Variants in NID1 observed in about 807,000 individuals in gnomAD.
NID1 encodes the protein nidogen 1.
In NID1, 76 loss-of-function variants were observed where a neutral mutation model predicts 130.6. The ratio of observed to expected loss-of-function variants is 0.58; its 90% CI spans 0.48 to 0.70. NID1 has a LOEUF of 0.70. Among genes scored for constraint, NID1 ranks in the 30% least tolerant of loss-of-function variants. The probability of loss-of-function intolerance (pLI) is 0.00; values close to 1 mark genes in which losing one functional copy is unlikely to be tolerated. For synonymous variants in NID1, 665 were observed against 675.1 expected, an observed-to-expected ratio of 0.98 and a Z score of 0.23; for missense variants, 1,517 against 1,664.8, an observed-to-expected ratio of 0.91 and a Z score of 1.54.
At chr1:236,050,029 T>C (rs56285810) in intron 1 of NID1, among the ~76,000 whole-genome samples, 5,334 of 145,036 alleles carry the variant, frequency 0.037, 249 homozygotes, top group African/African-American at 0.11. Flanking sequence ...GAGCAAGACT[T>C]CATCTCAGGG....
intron 2 of NID1, among the ~76,000 whole-genome samples, chr1:236,046,871 C>T (rs899024363): frequency 4.6e-5 from 7 of 152,186 alleles, no homozygotes; most frequent in Admixed American, 4.6e-4. Context: ...CCAAAGTGTG[C>T]TCTGTGGGAT....
Position 235,977,886 on chromosome 1 carries a change from T to G in NID1, c.3725A>C (p.Asp1242Ala). 6.2e-7 allele frequency: 1 copy of G among 1,614,166 alleles called. No homozygotes were observed. ...CRCPDNTLGV[D>A]CIEQK ...TTGTCTTCATTTCTGTTCGATACAG[T>G]CAACTCCCAAGGTGTTGTCAGGGCA... The change falls in exon 20 of 20, where the codon GAC (aspartate) becomes GCC (alanine). Residue 1242 changes from aspartate to alanine, a missense_variant. Physicochemically the swap from Asp to Ala is moderately radical, Grantham distance 126. Transcript: ENST00000264187.
intron 4 of NID1, among the ~76,000 whole-genome samples, chr1:236,040,345 T>G (rs1245080811): frequency 1.3e-5 from 2 of 152,154 alleles, no homozygotes; most frequent in Admixed American, 1.3e-4. Context: ...TCCATTTCCG[T>G]GCCTCAGAAG....
intron 9 of NID1, among the ~76,000 whole-genome samples, chr1:236,019,530 C>G (rs1658695199): frequency 6.6e-6 from 1 of 152,196 alleles, no homozygotes; most frequent in African/African-American, 2.4e-5. Flanking sequence ...GCTCTTCTCT[C>G]TAGCCCTACC....
chr1:235,984,228 G>A (rs763169591), intron 15 of NID1, among the ~76,000 whole-genome samples: 3 of 152,160 alleles, frequency 2.0e-5, no homozygotes, highest in East Asian at 1.9e-4. Context: ...TTTAACACAC[G>A]GAGATAGGCA....
At position 236,038,095 on chromosome 1, in the gene NID1, G is replaced by A. The variant is rs754705205; in HGVS notation, c.1285+9C>T. The A allele has an allele frequency of 6.3e-7, 1 of 1,588,876 alleles. No individual in the cohort carries two copies. The highest frequency in any genetic ancestry group is 1.7e-5 in the Admixed American group (1 of 58,278). On this transcript the variant is annotated intron_variant, in intron 5 of 19. Transcript: ENST00000264187. ...TCCCGCATGAAACGAACATAGAAAA[G>A]CAAATTACCTTCTGCAACACATTGC...
At chr1:235,995,987 T>C in intron 12 of NID1, among the ~76,000 whole-genome samples, 1 of 152,020 alleles carries the variant, frequency 6.6e-6, no homozygotes, top group East Asian at 1.9e-4. Context: ...AAGACCTATA[T>C]CTATAAAAAA....
At chr1:235,987,180 A>G (rs1034157174) in intron 14 of NID1, among the ~76,000 whole-genome samples, 4 of 151,950 alleles carry the variant, frequency 2.6e-5, no homozygotes, top group Admixed American at 6.5e-5. Flanking sequence ...ATTACCTGCC[A>G]GTAACTCATT....
At chr1:236,014,396 T>A (rs1410573792) in intron 10 of NID1, among the ~76,000 whole-genome samples, 1 of 152,132 alleles carries the variant, frequency 6.6e-6, no homozygotes, top group Non-Finnish European at 1.5e-5. Flanking sequence ...TGGGACTCTG[T>A]CCTGGCTCTG....
chr1:236,045,148 G>A (rs71642823), intron 3 of NID1, among the ~76,000 whole-genome samples: 6 of 144,820 alleles, frequency 4.1e-5, no homozygotes, highest in Admixed American at 2.2e-4. Context: ...GCAGTGAGTC[G>A]AGATTGTGCC....
At chr1:236,054,810 T>G (rs1659853471) in intron 1 of NID1, among the ~76,000 whole-genome samples, 1 of 151,352 alleles carries the variant, frequency 6.6e-6, no homozygotes, top group Non-Finnish European at 1.5e-5. Flanking sequence ...TCTGGCTAAT[T>G]TGTATATTTT....
chr1:235,990,613 C>A (rs1455221213), intron 14 of NID1, among the ~76,000 whole-genome samples: 1 of 152,210 alleles, frequency 6.6e-6, no homozygotes, highest in Non-Finnish European at 1.5e-5. Flanking sequence ...CTAAAAACTC[C>A]AATGCTTGTT....
At chr1:236,006,944 A>T (rs1288565510) in intron 12 of NID1, among the ~76,000 whole-genome samples, 1 of 152,202 alleles carries the variant, frequency 6.6e-6, no homozygotes, top group Non-Finnish European at 1.5e-5. Context: ...ATGAAGAGTT[A>T]AACTATAAAG....
At chr1:235,986,606 A>G (rs1385402617) in intron 14 of NID1, among the ~76,000 whole-genome samples, 2 of 152,200 alleles carry the variant, frequency 1.3e-5, no homozygotes, top group Non-Finnish European at 2.9e-5. Context: ...GACTACAGAC[A>G]TGTGCCAGCA....
At chr1:236,050,100 T>C (rs909731670) in intron 1 of NID1, among the ~76,000 whole-genome samples, 2 of 151,750 alleles carry the variant, frequency 1.3e-5, no homozygotes, top group African/African-American at 4.8e-5. Context: ...TGGGGAAAAT[T>C]AGGCAAATTC....
chr1:236,004,734 C>A (rs1029870705), intron 12 of NID1, among the ~76,000 whole-genome samples: 11 of 131,042 alleles, frequency 8.4e-5, no homozygotes, highest in Non-Finnish European at 1.7e-4. Flanking sequence ...TGCACTCCAG[C>A]CTGGGCAACA....
chr1:236,000,979 C>T (rs963500064), intron 12 of NID1, among the ~76,000 whole-genome samples: 2 of 152,126 alleles, frequency 1.3e-5, no homozygotes, highest in Non-Finnish European at 2.9e-5. Context: ...ACAGAGTCCA[C>T]GCCCCACTAC....
chr1:236,009,771 T>C (rs996991106), intron 12 of NID1, among the ~76,000 whole-genome samples: 2 of 152,240 alleles, frequency 1.3e-5, no homozygotes, highest in African/African-American at 4.8e-5. Flanking sequence ...TTGTTTGCAG[T>C]CATTTATATT....
In NID1 at chr1:236,024,231, T is replaced by C; in HGVS notation, c.1985-18A>G. ...GGAGCCTTCTGTGAAGACAGAGACATTGGAACCAAGTGAGTCTTCAGGAGC... is the reference window on the plus strand; with the variant it reads ...GGAGCCTTCTGTGAAGACAGAGACACTGGAACCAAGTGAGTCTTCAGGAGC... On this transcript the variant is annotated intron_variant, in intron 8 of 19. Transcript: ENST00000264187. 1 of 1,613,740 alleles carries C rather than the reference T, an allele frequency of 6.2e-7. No homozygotes were observed. The highest frequency in any genetic ancestry group is 8.5e-7 in the Non-Finnish European group (1 of 1,179,824).
Sources: gnomAD v4.1 joint callset for allele counts (sites outside exome capture counted in the v4.1 genomes callset) on GRCh38, gnomAD v4.1.1 for gene constraint, MANE v1.5 for transcripts, NCBI Gene and HGNC (gene_info 2026-07-23, HGNC 2026-07-21) for gene names.